NCOA3: variants seen among roughly 807,000 people sequenced by gnomAD.
NCOA3 encodes CBP-interacting protein.
In NCOA3, 51 loss-of-function variants were observed where a neutral mutation model predicts 158.8. That is an observed-to-expected ratio of 0.32 (90% confidence interval 0.26 to 0.41). The LOEUF (loss-of-function observed/expected upper bound fraction) is 0.41, where lower values mean the gene tolerates loss of function less well. NCOA3 is among the 10% of genes least tolerant of loss of function. The pLI is 1.00. For synonymous variants in NCOA3, 537 were observed against 592.4 expected, an observed-to-expected ratio of 0.91 and a Z score of 1.36; for missense variants, 1,510 against 1,746.6, an observed-to-expected ratio of 0.86 and a Z score of 2.41.
chr20:47,613,847 G>C (rs866623470), intron 2 of NCOA3, among the ~76,000 whole-genome samples: 1 of 151,684 alleles, frequency 6.6e-6, no homozygotes, highest in South Asian at 2.1e-4. Context: ...GGAGGCGGAG[G>C]TTGCACTGAG....
chr20:47,649,021 G>A lies in NCOA3; in HGVS notation c.3563G>A (p.Arg1188Gln), dbSNP rs774124954. The change falls in exon 19 of 23, where the codon CGA (arginine) becomes CAA (glutamine). Residue 1188 changes from arginine (R) to glutamine (Q), a missense_variant. By Grantham distance (43) the Arg-to-Gln change is conservative (BLOSUM62 1). Transcript: ENST00000371998. Reference protein sequence around the residue: ...LQGQQFLNQSRQALELKMENP... With the variant: ...LQGQQFLNQSQQALELKMENP... ...TCACCTCAGTTTTTGAATCAGAGCC[G>A]ACAGGCACTTGAATTGAAAATGGAA... The A allele has an allele frequency of 1.3e-5, 21 of 1,613,138 alleles. No individual in the cohort carries two copies. The highest frequency in any genetic ancestry group is 2.2e-5 in the South Asian group (2 of 91,032).
chr20:47,506,565 G>T (rs2084034521), intron 1 of NCOA3, among the ~76,000 whole-genome samples: 1 of 152,168 alleles, frequency 6.6e-6, no homozygotes, highest in Non-Finnish European at 1.5e-5. Context: ...GGTACTGCCA[G>T]CCTAGGTCAG....
At position 47,617,245 on chromosome 20, in the gene NCOA3, C is replaced by T. The variant is rs149779134; in HGVS notation, c.-19-4984C>T. Among the ~76,000 whole-genome samples the T allele has an allele frequency of 5.1e-3, 773 of 152,314 alleles. 8 individuals are homozygous for T. The highest frequency in any genetic ancestry group is 0.018 in the African/African-American group (734 of 41,568). ...TGCTGGGATTACAGGCGTGAGCCAC[C>T]GCGCCTGGCCTAGACTGTTCTTACA... On this transcript the variant is annotated intron_variant, in intron 2 of 22. Coordinates refer to ENST00000371998, the MANE Select transcript of NCOA3 (RefSeq NM_181659.3).
intron 1 of NCOA3, among the ~76,000 whole-genome samples, chr20:47,553,233 C>A (rs1038756395): frequency 6.6e-6 from 1 of 152,112 alleles, no homozygotes; most frequent in Non-Finnish European, 1.5e-5. Context: ...CCGTGCCTGG[C>A]CTGAAAATCT....
chr20:47,521,173 A>T (rs537458017), intron 1 of NCOA3, among the ~76,000 whole-genome samples: 1 of 152,240 alleles, frequency 6.6e-6, no homozygotes, highest in Admixed American at 6.5e-5. Flanking sequence ...TATTCGTCGC[A>T]CTGCGTGGGT....
In NCOA3 at chr20:47,643,738, T is replaced by C. The variant is rs376933806; in HGVS notation, c.3252+1354T>C. ...GCATGAAATAAAATGTTTTGGGTTC[T>C]ATGTGTCTGAAAATATCTTTATTCC... On this transcript the variant is annotated intron_variant, in intron 17 of 22. Transcript: ENST00000371998. 6.6e-5 allele frequency among the ~76,000 whole-genome samples: 10 copies of C among 152,246 alleles called. No individual in the cohort carries two copies. In the East Asian group the frequency reaches 1.3e-3, roughly 21 times the overall value.
chr20:47,516,635 A>G (rs989493942), intron 1 of NCOA3, among the ~76,000 whole-genome samples: 1 of 152,170 alleles, frequency 6.6e-6, no homozygotes, highest in African/African-American at 2.4e-5. Context: ...CAAGCAGTCA[A>G]GCAGGCTGGG....
In NCOA3 at chr20:47,635,874, T is replaced by A; in HGVS notation, c.1505-17T>A. The A allele has an allele frequency of 6.4e-7, 1 of 1,568,344 alleles. No homozygotes were observed. The highest frequency in any genetic ancestry group is 1.2e-5 in the South Asian group (1 of 83,892). ...CTGGTAGTCTAATTCTTTTCCTAAA[T>A]TTTTTTTCAAATTCAGGTGTGCACT... On this transcript the variant is annotated splice_polypyrimidine_tract_variant and intron_variant, in intron 11 of 22. Transcript: ENST00000371998.
chr20:47,624,169 T>C, intron 4 of NCOA3, 86 bp downstream of exon 4: 1 of 1,155,554 alleles, frequency 8.7e-7, no homozygotes, highest in Non-Finnish European at 1.2e-6. Flanking sequence ...AGCCAGTTTT[T>C]CCATGGACCT....
intron 17 of NCOA3, among the ~76,000 whole-genome samples, chr20:47,643,464 C>G (rs555391498): frequency 1.3e-5 from 2 of 152,350 alleles, no homozygotes; most frequent in Admixed American, 1.3e-4. Context: ...TATACTCCAA[C>G]AGAAGTATAG....
intron 1 of NCOA3, among the ~76,000 whole-genome samples, chr20:47,575,298 C>G (rs2085355073): frequency 2.0e-5 from 3 of 151,882 alleles, no homozygotes; most frequent in Admixed American, 2.0e-4. Context: ...TACAGAAGAC[C>G]CCTAATTTAT....
intron 1 of NCOA3, among the ~76,000 whole-genome samples, chr20:47,556,440 G>A (rs72662706): frequency 1.2e-3 from 180 of 152,326 alleles, no homozygotes; most frequent in Admixed American, 8.0e-3. Context: ...GCAATATTTT[G>A]AACCTGGGCT....
At chr20:47,570,932 A>G (rs990609485) in intron 1 of NCOA3, among the ~76,000 whole-genome samples, 3 of 96,574 alleles carry the variant, frequency 3.1e-5, no homozygotes, top group African/African-American at 9.9e-5. Flanking sequence ...ATGAGCAGTA[A>G]TATATATACA....
At chr20:47,536,669 T>C (rs1201994080) in intron 1 of NCOA3, among the ~76,000 whole-genome samples, 1 of 152,212 alleles carries the variant, frequency 6.6e-6, no homozygotes, top group Non-Finnish European at 1.5e-5. Flanking sequence ...TATTTGTTTT[T>C]AAAATAGAGA....
intron 8 of NCOA3, chr20:47,631,410 C>G (rs2086416287): frequency 6.6e-6 from 1 of 152,218 alleles, no homozygotes; most frequent in Non-Finnish European, 1.5e-5. Context: ...CATTCTGCCA[C>G]TTTTTGTAAG....
At chr20:47,548,628 G>A (rs903931210) in intron 1 of NCOA3, among the ~76,000 whole-genome samples, 1 of 152,278 alleles carries the variant, frequency 6.6e-6, no homozygotes, top group East Asian at 1.9e-4. Flanking sequence ...AGAAGGGGTG[G>A]TACATGTCGA....
At chr20:47,633,420 G>A in intron 8 of NCOA3, 76 bp from the exon 9 acceptor site, 2 of 1,370,858 alleles carry the variant, frequency 1.5e-6, no homozygotes, top group South Asian at 2.7e-5. Flanking sequence ...ATTCTCCAGT[G>A]CTAAGCCATG....
chr20:47,584,850 A>G (rs938678181), intron 2 of NCOA3, among the ~76,000 whole-genome samples: 1 of 152,100 alleles, frequency 6.6e-6, no homozygotes, highest in East Asian at 1.9e-4. Flanking sequence ...ATTCGTATAT[A>G]TGTATATACA....
At chr20:47,591,718 T>C (rs1471653046) in intron 2 of NCOA3, among the ~76,000 whole-genome samples, 5 of 151,986 alleles carry the variant, frequency 3.3e-5, no homozygotes, top group Non-Finnish European at 5.9e-5. Flanking sequence ...ACTTTAAAGT[T>C]GTTCTGTGGT....
Sources: allele counts gnomAD v4.1 joint callset (sites outside exome capture counted in the v4.1 genomes callset), GRCh38; gene constraint gnomAD v4.1.1; transcripts MANE v1.5; gene names NCBI Gene and HGNC (gene_info 2026-07-23, HGNC 2026-07-21).